IKZF3: variants seen among roughly 807,000 people sequenced by gnomAD.
IKZF3 encodes the protein IKAROS family zinc finger 3.
Under a neutral mutation model 49.0 loss-of-function variants are expected in IKZF3, and 10 were observed. The observed-to-expected ratio is 0.20, with a 90% CI of 0.13 to 0.35. The LOEUF (loss-of-function observed/expected upper bound fraction) is 0.35. Among genes scored for constraint, IKZF3 ranks in the 10% least tolerant of loss-of-function variants. The pLI is 1.00. For synonymous variants in IKZF3, 209 were observed against 228.2 expected (o/e 0.92, Z 0.76); for missense variants, 498 against 664.8 (o/e 0.75, Z 2.76).
chr17:39,757,780 A>G lies in IKZF3; in HGVS notation c.*8010T>C, dbSNP rs1055470553. Reference sequence around the variant, plus strand: ...AAAATCAAACATGATAAACCTAGAAAACTATCAGCAGGGCTATTTCTTACA... The same window carrying G: ...AAAATCAAACATGATAAACCTAGAAGACTATCAGCAGGGCTATTTCTTACA... On this transcript the variant is annotated 3_prime_UTR_variant, in exon 8 of 8. Transcript: ENST00000346872. 1 of 152,176 alleles carries G rather than the reference A, an allele frequency of 6.6e-6. No individual in the cohort carries two copies. The highest frequency in any genetic ancestry group is 2.4e-5 in the African/African-American group (1 of 41,440). The allele number at this position is 152,176 out of a possible 1,614,324, so 9.4% of individuals were successfully genotyped here. A position where few individuals can be genotyped will look rare whatever the true frequency, so the allele number is the denominator to read the frequency against.
At chr17:39,790,873 T>C (rs1022943228) in intron 5 of IKZF3, among the ~76,000 whole-genome samples, 6 of 147,902 alleles carry the variant, frequency 4.1e-5, no homozygotes, top group Admixed American at 1.3e-4. Flanking sequence ...CTGAGCAACA[T>C]AGTGAGACCT....
chr17:39,798,722 G>C (rs2061239062), intron 3 of IKZF3, among the ~76,000 whole-genome samples: 2 of 152,040 alleles, frequency 1.3e-5, no homozygotes, highest in African/African-American at 4.8e-5. Flanking sequence ...AGCCAGGATG[G>C]TCTCAATCTC....
At chr17:39,850,507 A>G (rs1035758709) in intron 1 of IKZF3, among the ~76,000 whole-genome samples, 12 of 92,634 alleles carry the variant, frequency 1.3e-4, no homozygotes, top group African/African-American at 5.6e-4. Flanking sequence ...TGTACATATA[A>G]TATATAGCAT....
At chr17:39,819,525 G>A (rs1038576156) in intron 3 of IKZF3, among the ~76,000 whole-genome samples, 1 of 152,084 alleles carries the variant, frequency 6.6e-6, no homozygotes, top group African/African-American at 2.4e-5. Context: ...CTGTCTCTGT[G>A]GTTAAAAACT....
chr17:39,802,654 G>C (rs1310325928), intron 3 of IKZF3, among the ~76,000 whole-genome samples: 1 of 150,322 alleles, frequency 6.7e-6, no homozygotes, highest in African/African-American at 2.4e-5. Context: ...AAATAGCCAG[G>C]TATGGTAGAA....
rs2060174767 is a variant in IKZF3 at position 39,761,200 on chromosome 17, AG to A, written c.*4589del. On this transcript the variant is annotated 3_prime_UTR_variant, in exon 8 of 8. Coordinates refer to ENST00000346872, the MANE Select transcript of IKZF3 (RefSeq NM_012481.5). ...CACTGACAAAGTCAGAAGCTGTGTC[AG>A]GAACAGCTCACAGTGGGTCATAAAG... The A allele has an allele frequency of 6.6e-6, 1 of 152,378 alleles. No individual in the cohort carries two copies. The highest frequency in any genetic ancestry group is 3.4e-3 in the Middle Eastern group (1 of 294). The allele number at this position is 152,378 out of a possible 1,614,324, so 9.4% of individuals were successfully genotyped here.
intron 7 of IKZF3, among the ~76,000 whole-genome samples, chr17:39,774,891 A>G (rs746408563): frequency 6.6e-6 from 1 of 152,232 alleles, no homozygotes; most frequent in African/African-American, 2.4e-5. Flanking sequence ...CATAAACACC[A>G]CATCTGTATA....
intron 3 of IKZF3, among the ~76,000 whole-genome samples, chr17:39,827,756 G>A (rs1330275560): frequency 6.6e-6 from 1 of 152,210 alleles, no homozygotes; most frequent in Non-Finnish European, 1.5e-5. Flanking sequence ...TTTAGACTAA[G>A]GAGCACTCTA....
intron 3 of IKZF3, among the ~76,000 whole-genome samples, chr17:39,820,133 T>C (rs980894487): frequency 6.6e-6 from 1 of 152,114 alleles, no homozygotes; most frequent in African/African-American, 2.4e-5. Flanking sequence ...AGGAAAAAAA[T>C]AGCCCAAGAA....
chr17:39,845,521 C>G (rs1312424724), intron 1 of IKZF3, among the ~76,000 whole-genome samples: 1 of 148,004 alleles, frequency 6.8e-6, no homozygotes, highest in Admixed American at 6.8e-5. Context: ...AAGGCTCTGT[C>G]TCCAAAAAAG....
intron 3 of IKZF3, among the ~76,000 whole-genome samples, chr17:39,800,581 G>A (rs1402729065): frequency 6.6e-6 from 1 of 152,112 alleles, no homozygotes; most frequent in African/African-American, 2.4e-5. Context: ...TTCTAAAGGA[G>A]CTACTCTAGG....
chr17:39,789,643 G>T (rs528456507), intron 5 of IKZF3, among the ~76,000 whole-genome samples: 3 of 151,986 alleles, frequency 2.0e-5, no homozygotes, highest in Non-Finnish European at 2.9e-5. Context: ...CAGGAGAATC[G>T]CTTGAACCTG....
At chr17:39,769,864 C>T (rs531324957) in intron 7 of IKZF3, among the ~76,000 whole-genome samples, 25 of 152,300 alleles carry the variant, frequency 1.6e-4, no homozygotes, top group Admixed American at 1.4e-3. Flanking sequence ...TCTATACCAC[C>T]TGCAGCATAT....
At chr17:39,821,838 G>C (rs540678086) in intron 3 of IKZF3, among the ~76,000 whole-genome samples, 2 of 152,176 alleles carry the variant, frequency 1.3e-5, no homozygotes, top group East Asian at 3.8e-4. Context: ...GTGTGAAAGA[G>C]TTACTTTATT....
chr17:39,824,657 T>C (rs2061907834), intron 3 of IKZF3, among the ~76,000 whole-genome samples: 1 of 151,998 alleles, frequency 6.6e-6, no homozygotes, highest in Non-Finnish European at 1.5e-5. Context: ...CATGTTGGTC[T>C]TGTGATAGTG....
intron 6 of IKZF3, among the ~76,000 whole-genome samples, chr17:39,779,920 G>A (rs908183708): frequency 6.6e-6 from 1 of 152,138 alleles, no homozygotes; most frequent in Non-Finnish European, 1.5e-5. Flanking sequence ...GCAAGTAGTG[G>A]CTGGCACAGT....
chr17:39,815,257 G>T lies in IKZF3; in HGVS notation c.163+14130C>A, dbSNP rs983496644. 2.6e-5 allele frequency among the ~76,000 whole-genome samples: 4 copies of T among 152,338 alleles called. 1 individual carries two copies. The highest frequency in any genetic ancestry group is 6.8e-3 in the Middle Eastern group (2 of 294). The stretch of plus-strand genomic sequence containing the variant: ...GGAAGAAGGACTGAAACAAAAAGTC[G>T]CAAGAGTTCTATTTCAGTCGTTCAG... On this transcript the variant is annotated intron_variant, in intron 3 of 7. Transcript: ENST00000346872.
chr17:39,798,529 G>A (rs969300768), intron 3 of IKZF3, among the ~76,000 whole-genome samples: 98 of 147,374 alleles, frequency 6.6e-4, no homozygotes, highest in African/African-American at 1.9e-3. Flanking sequence ...TTTTTGAGAC[G>A]GAGTCTTTCT....
At chr17:39,835,384 G>A (rs1022466398) in intron 1 of IKZF3, 10 of 481,390 alleles carry the variant, frequency 2.1e-5, no homozygotes, top group African/African-American at 3.9e-5. Flanking sequence ...TTAATGGACC[G>A]CTCCCCACAC....
Sources: allele counts gnomAD v4.1 joint callset (sites outside exome capture counted in the v4.1 genomes callset), GRCh38; gene constraint gnomAD v4.1.1; transcripts MANE v1.5; gene names NCBI Gene and HGNC (gene_info 2026-07-23, HGNC 2026-07-21).